FGD4: variants seen among roughly 807,000 people sequenced by gnomAD.
The protein encoded by FGD4 is FYVE, RhoGEF and PH domain-containing protein 4.
In FGD4, 42 loss-of-function variants were observed where a neutral mutation model predicts 102.0. The ratio of observed to expected loss-of-function variants is 0.41; its 90% CI spans 0.32 to 0.53. FGD4 has a LOEUF of 0.53. Among genes scored for constraint, FGD4 ranks in the 20% least tolerant of loss-of-function variants. The pLI is 0.21. For missense variants in FGD4, 902 were observed against 1,078.2 expected (o/e 0.84, Z 2.29); for synonymous variants, 380 against 375.7 (o/e 1.01, Z -0.13).
At chr12:32,535,240 A>G (rs1373349291) in intron 1 of FGD4, among the ~76,000 whole-genome samples, 2 of 152,224 alleles carry the variant, frequency 1.3e-5, no homozygotes, top group East Asian at 1.9e-4. Flanking sequence ...TTGACTGGAT[A>G]TAAGCCTCAC....
intron 1 of FGD4, among the ~76,000 whole-genome samples, chr12:32,463,521 G>A (rs1285330623): frequency 6.6e-6 from 1 of 152,160 alleles, no homozygotes; most frequent in Non-Finnish European, 1.5e-5. Context: ...TATCTAAAAT[G>A]CCTTCATTTG....
chr12:32,528,907 A>C (rs976239332), intron 1 of FGD4, among the ~76,000 whole-genome samples: 1 of 152,190 alleles, frequency 6.6e-6, no homozygotes, highest in Non-Finnish European at 1.5e-5. Context: ...TGTGACTATA[A>C]GTGAACATAT....
chr12:32,522,307 C>A (rs1200168221), intron 1 of FGD4, among the ~76,000 whole-genome samples: 1 of 152,014 alleles, frequency 6.6e-6, no homozygotes, highest in African/African-American at 2.4e-5. Flanking sequence ...ACAGGAAGAT[C>A]CTCGTTATAT....
intron 4 of FGD4, among the ~76,000 whole-genome samples, chr12:32,592,094 A>T (rs996500462): frequency 2.0e-5 from 3 of 151,772 alleles, no homozygotes; most frequent in Admixed American, 6.6e-5. Flanking sequence ...TTATTTATTT[A>T]TTTTTTGAGA....
chr12:32,474,062 T>TG (rs902912147), intron 1 of FGD4, among the ~76,000 whole-genome samples: 13 of 150,458 alleles, frequency 8.6e-5, no homozygotes, highest in Admixed American at 5.3e-4. Flanking sequence ...CACTCCAGCC[T>TG]GGGTGACAGT....
chr12:32,468,563 G>C (rs1023285140), intron 1 of FGD4, among the ~76,000 whole-genome samples: 1 of 152,092 alleles, frequency 6.6e-6, no homozygotes, highest in Non-Finnish European at 1.5e-5. Flanking sequence ...GATTATAAAA[G>C]TCGTGTGCTT....
At chr12:32,585,834 C>CAAAAAAAAAAA (rs58688697) in intron 4 of FGD4, among the ~76,000 whole-genome samples, 3 of 68,820 alleles carry the variant, frequency 4.4e-5, no homozygotes, top group African/African-American at 1.7e-4. Context: ...GACCTTGTCT[C>CAAAAAAAAAAA]AAAAAAAAAA....
chr12:32,481,611 AG>A, intron 1 of FGD4, among the ~76,000 whole-genome samples: 1 of 152,304 alleles, frequency 6.6e-6, no homozygotes, highest in South Asian at 2.1e-4. Context: ...TCAGGAGATC[AG>A]GGGTTCAAGA....
At chr12:32,526,204 T>C (rs969823214) in intron 1 of FGD4, among the ~76,000 whole-genome samples, 1 of 152,240 alleles carries the variant, frequency 6.6e-6, no homozygotes, top group African/African-American at 2.4e-5. Context: ...ATCAGCACCC[T>C]GTGTTTAGCT....
intron 1 of FGD4, chr12:32,486,033 G>A: frequency 6.8e-7 from 1 of 1,475,168 alleles, no homozygotes; most frequent in Non-Finnish European, 8.9e-7. Context: ...AATACAGAAT[G>A]CCTATAGTTT....
At position 32,544,283 on chromosome 12, in the gene FGD4, A is replaced by C. The variant is rs1193566287; in HGVS notation, c.167-19854A>C. Among the ~76,000 whole-genome samples the C allele has an allele frequency of 2.0e-5, 3 of 152,084 alleles. No individual in the cohort carries two copies. Among genetic ancestry groups the C allele is most frequent in the African/African-American group, 7.2e-5 (3 of 41,400 alleles). On this transcript the variant is annotated intron_variant, in intron 1 of 16. Transcript: ENST00000534526. The surrounding 1 kb of genome is among the most constrained non-coding windows in gnomAD (Gnocchi z 4.1). ...TGTCTCTACAAAAAATGCAAAAATG[A>C]GCTGGGCGTGGTGGTGGGTACCTGT...
intron 1 of FGD4, among the ~76,000 whole-genome samples, chr12:32,551,622 G>A (rs4569085): frequency 3.9e-5 from 6 of 152,084 alleles, no homozygotes; most frequent in Admixed American, 3.9e-4. Context: ...AGTGCTTAAC[G>A]ATATATAATA....
At chr12:32,565,270 T>C (rs1271960812) in intron 2 of FGD4, among the ~76,000 whole-genome samples, 3 of 152,198 alleles carry the variant, frequency 2.0e-5, no homozygotes, top group Non-Finnish European at 4.4e-5. Context: ...TATGGGATAT[T>C]TGTCTTGTTC....
chr12:32,419,524 G>A (rs1403901544), intron 1 of FGD4, among the ~76,000 whole-genome samples: 1 of 152,094 alleles, frequency 6.6e-6, no homozygotes, highest in East Asian at 1.9e-4. Context: ...CCACTGCTGG[G>A]GATGGGGGAG....
intron 1 of FGD4, among the ~76,000 whole-genome samples, chr12:32,415,138 G>C (rs1340365173): frequency 2.0e-5 from 3 of 152,130 alleles, no homozygotes; most frequent in African/African-American, 7.2e-5. Context: ...ATTGTGGTCA[G>C]AGAAGATGCT....
chr12:32,603,200 A>G (rs1478211686), intron 7 of FGD4, among the ~76,000 whole-genome samples: 2 of 152,224 alleles, frequency 1.3e-5, no homozygotes, highest in Non-Finnish European at 2.9e-5. Context: ...AAATGTATCT[A>G]TAAGTCTATT....
At chr12:32,480,345 G>A (rs1478835815) in intron 1 of FGD4, among the ~76,000 whole-genome samples, 1 of 151,650 alleles carries the variant, frequency 6.6e-6, no homozygotes, top group Non-Finnish European at 1.5e-5. Context: ...TGTATTTTCA[G>A]TAGAGACGGG....
chr12:32,422,060 C>T (rs992021353), intron 1 of FGD4, among the ~76,000 whole-genome samples: 13 of 150,204 alleles, frequency 8.7e-5, no homozygotes, highest in African/African-American at 2.4e-4. Flanking sequence ...AGGAGAATGG[C>T]GTGAACCCGG....
chr12:32,613,362 G>A lies in FGD4; in HGVS notation c.1749+2079G>A, dbSNP rs555385801. 2.6e-4 allele frequency among the ~76,000 whole-genome samples: 39 copies of A among 152,300 alleles called. No homozygotes were observed. The South Asian group carries it at 5.0e-3, about 19-fold the overall frequency. On this transcript the variant is annotated intron_variant, in intron 10 of 16. Coordinates refer to ENST00000534526, the MANE Select transcript of FGD4 (RefSeq NM_001370298.3). ...AATGCATGTTATGAAAAAACTATGC[G>A]TAGATTTCAAAGCTTTTTTTGCAAC... is the stretch of plus-strand genomic sequence containing the variant.
Sources: gnomAD v4.1 joint callset for allele counts (sites outside exome capture counted in the v4.1 genomes callset) on GRCh38, gnomAD v4.1.1 for gene constraint, Gnocchi (gnomAD v3.1) non-coding constraint, MANE v1.5 for transcripts, NCBI Gene and HGNC (gene_info 2026-07-23, HGNC 2026-07-21) for gene names.